GUCY1A2: variants seen among roughly 807,000 people sequenced by gnomAD.
The protein encoded by GUCY1A2 is guanylate cyclase soluble subunit alpha-2.
A neutral mutation model predicts 63.5 loss-of-function variants in GUCY1A2; 27 were observed. The ratio of observed to expected loss-of-function variants is 0.43; its 90% confidence interval spans 0.31 to 0.59. The LOEUF is 0.59. GUCY1A2 is among the 20% of genes least tolerant of loss of function. The pLI is 0.11. For missense variants in GUCY1A2, 768 were observed against 913.3 expected, an observed-to-expected ratio of 0.84 and a Z score of 2.05; for synonymous variants, 364 against 343.5, an observed-to-expected ratio of 1.06 and a Z score of -0.66.
chr11:106,681,731 T>G lies in GUCY1A2; in HGVS notation c.*5818A>C, dbSNP rs1221975368. The G allele has an allele frequency of 4.6e-6, 1 of 219,630 alleles. No homozygotes were observed. The highest frequency in any genetic ancestry group is 2.2e-5 in the African/African-American group (1 of 44,566). 13.6% of individuals were successfully genotyped at this position (219,630 alleles called of 1,614,324 possible). A position where few individuals can be genotyped will look rare whatever the true frequency, so the allele number is the denominator to read the frequency against. On this transcript the variant is annotated 3_prime_UTR_variant, in exon 8 of 8. Coordinates refer to ENST00000526355, the MANE Select transcript of GUCY1A2 (RefSeq NM_000855.3). ...ATATTATTGCTTGTATAAAACATGT[T>G]TCTGTTTTCACAAAGGCTCTATGAA...
At chr11:106,703,931 GAATT>G (rs1263136720) in intron 7 of GUCY1A2, among the ~76,000 whole-genome samples, 2 of 151,804 alleles carry the variant, frequency 1.3e-5, no homozygotes, top group Admixed American at 6.6e-5. Flanking sequence ...GTGATTAATT[GAATT>G]AATTATGTAC....
intron 6 of GUCY1A2, among the ~76,000 whole-genome samples, chr11:106,776,021 T>C (rs1029936649): frequency 2.6e-5 from 4 of 152,206 alleles, no homozygotes; most frequent in African/African-American, 9.7e-5. Context: ...TGAGGTCTGA[T>C]GTTTCACAAG....
chr11:106,720,088 T>A (rs1863288410), intron 6 of GUCY1A2, among the ~76,000 whole-genome samples: 1 of 152,186 alleles, frequency 6.6e-6, no homozygotes, highest in African/African-American at 2.4e-5. Flanking sequence ...CAAAAATATA[T>A]GTTTAATTAA....
chr11:106,919,887 A>G (rs148662097), intron 4 of GUCY1A2, among the ~76,000 whole-genome samples: 105 of 152,198 alleles, frequency 6.9e-4, no homozygotes, highest in African/African-American at 2.5e-3. Flanking sequence ...TACCAAAAGT[A>G]AGTGAGTTAG....
chr11:106,775,358 T>C (rs922631016), intron 6 of GUCY1A2, among the ~76,000 whole-genome samples: 1 of 152,168 alleles, frequency 6.6e-6, no homozygotes, highest in Admixed American at 6.5e-5. Context: ...ACACATGGAA[T>C]CTGTGGAAAT....
At position 106,678,776 on chromosome 11, in the gene GUCY1A2, C is replaced by T. The variant is rs1862386806; in HGVS notation, c.*8773G>A. On this transcript the variant is annotated 3_prime_UTR_variant, in exon 8 of 8. Transcript: ENST00000526355. Reference sequence around the variant, plus strand: ...AATACAGTATTATTTGACTATTATCCTTAATGTTTATGTTATTTTAAAAAG... The same window carrying T: ...AATACAGTATTATTTGACTATTATCTTTAATGTTTATGTTATTTTAAAAAG... 3 of 198,148 alleles carry T rather than the reference C, an allele frequency of 1.5e-5. No homozygotes were observed. The highest frequency in any genetic ancestry group is 3.1e-5 in the Non-Finnish European group (3 of 95,896). 12.3% of individuals were successfully genotyped at this position (198,148 alleles called of 1,614,324 possible). A position where few individuals can be genotyped will look rare whatever the true frequency, so the allele number is the denominator to read the frequency against.
At chr11:106,823,141 A>C (rs965396292) in intron 4 of GUCY1A2, among the ~76,000 whole-genome samples, 1 of 152,156 alleles carries the variant, frequency 6.6e-6, no homozygotes, top group South Asian at 2.1e-4. Context: ...TGTTTGTCAC[A>C]TGGGTATTTT....
At chr11:106,888,395 G>A (rs1859928744) in intron 4 of GUCY1A2, among the ~76,000 whole-genome samples, 4 of 151,954 alleles carry the variant, frequency 2.6e-5, no homozygotes, top group Admixed American at 1.3e-4. Context: ...AACCCAGGAG[G>A]CGGAGCTTGC....
chr11:106,824,182 G>A (rs1858937644), intron 4 of GUCY1A2: 8 of 1,373,194 alleles, frequency 5.8e-6, no homozygotes, highest in Admixed American at 2.7e-5. Context: ...AACTCTTTCA[G>A]GGTAAATGGC....
At chr11:106,924,969 T>C (rs997961414) in intron 4 of GUCY1A2, among the ~76,000 whole-genome samples, 1 of 152,088 alleles carries the variant, frequency 6.6e-6, no homozygotes, top group East Asian at 1.9e-4. Flanking sequence ...ATTACTCCAC[T>C]GCACTCCAGC....
chr11:106,906,915 T>G (rs1860215767), intron 4 of GUCY1A2, among the ~76,000 whole-genome samples: 1 of 151,928 alleles, frequency 6.6e-6, no homozygotes, highest in South Asian at 2.1e-4. Flanking sequence ...GAGGGGAAAT[T>G]CACACATTGG....
chr11:107,000,595 T>C (rs775952208), intron 1 of GUCY1A2, among the ~76,000 whole-genome samples: 6 of 152,238 alleles, frequency 3.9e-5, no homozygotes, highest in Admixed American at 2.0e-4. Context: ...CAGAATCTAA[T>C]GACAGGGTCA....
chr11:106,693,994 TTAAGTA>T (rs1248193641), intron 7 of GUCY1A2, among the ~76,000 whole-genome samples: 1 of 152,184 alleles, frequency 6.6e-6, no homozygotes, highest in Non-Finnish European at 1.5e-5. Context: ...ATCTTTCTAT[TTAAGTA>T]TAAGTCATTA....
At chr11:106,847,866 T>C (rs1859297453) in intron 4 of GUCY1A2, among the ~76,000 whole-genome samples, 2 of 151,660 alleles carry the variant, frequency 1.3e-5, no homozygotes, top group African/African-American at 4.8e-5. Flanking sequence ...TTTTTTAAAT[T>C]AGAAATCTAA....
At chr11:106,771,955 C>A (rs528880944) in intron 6 of GUCY1A2, among the ~76,000 whole-genome samples, 1 of 152,014 alleles carries the variant, frequency 6.6e-6, no homozygotes, top group South Asian at 2.1e-4. Flanking sequence ...TATAGATAGA[C>A]CATATTTATG....
intron 4 of GUCY1A2, among the ~76,000 whole-genome samples, chr11:106,924,755 AG>A (rs1860498388): frequency 6.6e-6 from 1 of 152,172 alleles, no homozygotes; most frequent in Non-Finnish European, 1.5e-5. Context: ...CTGTAATCCC[AG>A]CACTTTGGGA....
intron 1 of GUCY1A2, among the ~76,000 whole-genome samples, chr11:106,997,003 C>A (rs1277918288): frequency 6.6e-6 from 1 of 151,932 alleles, no homozygotes; most frequent in Non-Finnish European, 1.5e-5. Flanking sequence ...ATCACTTTTT[C>A]TGGAAAAAAA....
chr11:106,790,033 T>C (rs1279431826), intron 5 of GUCY1A2, among the ~76,000 whole-genome samples: 1 of 152,166 alleles, frequency 6.6e-6, no homozygotes, highest in East Asian at 1.9e-4. Context: ...CTTAAGGCCC[T>C]TGGGCTCTAA....
At chr11:106,720,296 G>A (rs2135362556) in intron 6 of GUCY1A2, among the ~76,000 whole-genome samples, 1 of 152,268 alleles carries the variant, frequency 6.6e-6, no homozygotes, top group Non-Finnish European at 1.5e-5. Flanking sequence ...CTTGTGAGGG[G>A]CAATGGGACT....
Sources: allele counts gnomAD v4.1 joint callset (sites outside exome capture counted in the v4.1 genomes callset), GRCh38; gene constraint gnomAD v4.1.1; transcripts MANE v1.5; gene names NCBI Gene and HGNC (gene_info 2026-07-23, HGNC 2026-07-21).